The following ARPP21 variants were observed in gnomAD, a reference collection of about 807,000 sequenced individuals.
The protein encoded by ARPP21 is cAMP-regulated phosphoprotein 21.
In ARPP21, 69 loss-of-function variants were observed where a neutral mutation model predicts 113.2. The ratio of observed to expected loss-of-function variants is 0.61; its 90% CI spans 0.50 to 0.74. ARPP21 has a LOEUF of 0.74. Among genes scored for constraint, ARPP21 ranks in the 30% least tolerant of loss-of-function variants. ARPP21 has a pLI of 0.00. For synonymous variants in ARPP21, 368 were observed against 375.5 expected (o/e 0.98, Z 0.23); for missense variants, 1,070 against 1,037.4 (o/e 1.03, Z -0.43).
intron 1 of ARPP21, among the ~76,000 whole-genome samples, chr3:35,679,381 T>C (rs1487734725): frequency 6.6e-6 from 1 of 151,764 alleles, no homozygotes; most frequent in Middle Eastern, 3.4e-3. Context: ...AAATGTATAA[T>C]GTAATCTATA....
intron 19 of ARPP21, among the ~76,000 whole-genome samples, chr3:35,762,704 A>G (rs1281168712): frequency 6.6e-6 from 1 of 152,152 alleles, no homozygotes; most frequent in Non-Finnish European, 1.5e-5. Flanking sequence ...AGTATTAGTA[A>G]AAATGGTTCA....
rs569506943 is a variant in ARPP21 at position 35,657,911 on chromosome 3, G to C, written c.-213+17513G>C. On this transcript the variant is annotated intron_variant, in intron 1 of 20. Transcript: ENST00000684406. ...GTGCATCCACTCTACAGTAACAGGG[G>C]CTTCTATAGTTAATTTGATTCTCAG... Among the ~76,000 whole-genome samples the C allele has an allele frequency of 2.0e-5, 3 of 152,186 alleles. No individual in the cohort carries two copies. The South Asian group carries it at 6.2e-4, about 32-fold the overall frequency.
chr3:35,718,833 G>A (rs1228178492), intron 13 of ARPP21, among the ~76,000 whole-genome samples: 1 of 148,958 alleles, frequency 6.7e-6, no homozygotes, highest in Non-Finnish European at 1.5e-5. Context: ...AGAGGGCCCA[G>A]CTCCAATGAC....
chr3:35,729,159 A>G, intron 14 of ARPP21, 144 bp from the exon 15 acceptor site: 1 of 593,208 alleles, frequency 1.7e-6, no homozygotes, highest in East Asian at 2.8e-5. Context: ...AAAATATGAG[A>G]GGGGCATTAG....
intron 1 of ARPP21, among the ~76,000 whole-genome samples, chr3:35,653,681 C>A (rs1174511200): frequency 2.0e-5 from 3 of 151,956 alleles, no homozygotes; most frequent in African/African-American, 7.2e-5. Flanking sequence ...GTTAATTAAC[C>A]ATTGTGAGTT....
chr3:35,750,860 G>A (rs2095377460), intron 19 of ARPP21, among the ~76,000 whole-genome samples: 1 of 152,176 alleles, frequency 6.6e-6, no homozygotes, highest in African/African-American at 2.4e-5. Context: ...AAATAGTCTG[G>A]AAGGTGAAAG....
chr3:35,653,950 G>A (rs1307842784), intron 1 of ARPP21, among the ~76,000 whole-genome samples: 2 of 151,880 alleles, frequency 1.3e-5, no homozygotes, highest in South Asian at 2.1e-4. Context: ...ACATTCTATA[G>A]CATTGGCTTT....
At chr3:35,781,312 T>C (rs1203350744) in intron 19 of ARPP21, 1 of 152,200 alleles carries the variant, frequency 6.6e-6, no homozygotes, top group Non-Finnish European at 1.5e-5. Flanking sequence ...AGTGAATGAT[T>C]TGAATCATTT....
rs745390000 is a variant in ARPP21 at position 35,690,116 on chromosome 3, T to C, written c.521T>C (p.Ile174Thr). The change falls in exon 8 of 21, where the codon ATT becomes ACT. Residue 174 changes from isoleucine to threonine, a missense_variant. Transcript: ENST00000684406. Reference sequence around the variant, plus strand: ...ATACTTTTGAAAATGGAGCAGGAAATTATTGATTTCATTGCTGACAACAAG... The same window carrying C: ...ATACTTTTGAAAATGGAGCAGGAAACTATTGATTTCATTGCTGACAACAAG... ...RMILLKMEQE[I>T]IDFIADNNNH... 3 of 1,495,018 alleles carry C rather than the reference T, an allele frequency of 2.0e-6. No individual in the cohort carries two copies. Among genetic ancestry groups the C allele is most frequent in the South Asian group, 1.1e-5 (1 of 88,346 alleles). 92.6% of individuals were successfully genotyped at this position (1,495,018 alleles called of 1,614,324 possible). A position where few individuals can be genotyped will look rare whatever the true frequency, so the allele number is the denominator to read the frequency against.
intron 15 of ARPP21, 29 bp from the exon 16 acceptor site, chr3:35,737,149 A>C (rs1252178146): frequency 7.1e-7 from 1 of 1,409,830 alleles, no homozygotes; most frequent in Admixed American, 1.7e-5. Context: ...TGAGAAGCTT[A>C]CCTGGACTAA....
At chr3:35,763,448 C>T (rs2095850499) in intron 19 of ARPP21, among the ~76,000 whole-genome samples, 1 of 152,126 alleles carries the variant, frequency 6.6e-6, no homozygotes. Flanking sequence ...TAACATTCAA[C>T]TGTCTCTCAT....
intron 19 of ARPP21, among the ~76,000 whole-genome samples, chr3:35,784,657 A>T (rs1225967768): frequency 6.6e-6 from 1 of 152,128 alleles, no homozygotes; most frequent in East Asian, 1.9e-4. Context: ...GCCTCCCAGT[A>T]GATGGTACCA....
intron 18 of ARPP21, among the ~76,000 whole-genome samples, chr3:35,740,241 T>C (rs2094576008): frequency 6.6e-6 from 1 of 152,204 alleles, no homozygotes; most frequent in Non-Finnish European, 1.5e-5. Flanking sequence ...CAAACATCTC[T>C]GGTACTCTCT....
In ARPP21 at chr3:35,687,777, G is replaced by T. The variant is rs768379749; in HGVS notation, c.300G>T (p.Leu100=). 2 of 1,605,300 alleles carry T rather than the reference G, an allele frequency of 1.2e-6. No individual in the cohort carries two copies. Among genetic ancestry groups the T allele is most frequent in the East Asian group, 2.2e-5 (1 of 44,626 alleles). ...IHLQLSSFSS[L]QEEDKSRKDD... ...TACAGCTTTCCAGTTTTTCCAGCCTGCAAGAGGAGGATAAATCTAGGAAAG... is the reference window on the plus strand; with the variant it reads ...TACAGCTTTCCAGTTTTTCCAGCCTTCAAGAGGAGGATAAATCTAGGAAAG... The change falls in exon 6 of 21, where the codon CTG becomes CTT. Residue 100 remains leucine, a synonymous_variant. Transcript: ENST00000684406.
chr3:35,783,375 A>C (rs1382244525), intron 19 of ARPP21, among the ~76,000 whole-genome samples: 2 of 151,560 alleles, frequency 1.3e-5, no homozygotes, highest in East Asian at 3.9e-4. Context: ...AAGGCACTGC[A>C]TTCCACTTCC....
chr3:35,725,176 G>A (rs2093429901), intron 14 of ARPP21, among the ~76,000 whole-genome samples: 1 of 152,090 alleles, frequency 6.6e-6, no homozygotes, highest in South Asian at 2.1e-4. Context: ...TTGCTAATTG[G>A]TGCTGTGGAA....
At chr3:35,675,251 A>G (rs1448698570) in intron 1 of ARPP21, among the ~76,000 whole-genome samples, 5 of 151,186 alleles carry the variant, frequency 3.3e-5, no homozygotes, top group African/African-American at 7.3e-5. Context: ...TGGAAATGTA[A>G]GGTGGTGATT....
intron 19 of ARPP21, among the ~76,000 whole-genome samples, chr3:35,780,711 G>T (rs993909658): frequency 6.6e-6 from 1 of 152,090 alleles, no homozygotes; most frequent in Non-Finnish European, 1.5e-5. Flanking sequence ...TGTCAGAAAT[G>T]CATATGTTTG....
At chr3:35,661,355 C>G (rs1707740668) in intron 1 of ARPP21, among the ~76,000 whole-genome samples, 1 of 151,246 alleles carries the variant, frequency 6.6e-6, no homozygotes, top group Admixed American at 6.6e-5. Context: ...CCAGGCATAT[C>G]CACAAGGAGA....
Sources: allele counts gnomAD v4.1 joint callset (sites outside exome capture counted in the v4.1 genomes callset), GRCh38; gene constraint gnomAD v4.1.1; transcripts MANE v1.5; gene names NCBI Gene and HGNC (gene_info 2026-07-23, HGNC 2026-07-21).